Variants in SLC1A2 observed in about 807,000 individuals in gnomAD.
The protein encoded by SLC1A2 is excitatory amino acid transporter 2.
In SLC1A2, 15 loss-of-function variants were observed where a neutral mutation model predicts 48.8. The observed-to-expected ratio is 0.31, with a 90% CI of 0.21 to 0.47. The LOEUF (loss-of-function observed/expected upper bound fraction) is 0.47. Ranked by LOEUF, SLC1A2 falls within the 20% of genes least tolerant of loss-of-function variation. The pLI is 0.99. For synonymous variants in SLC1A2, 279 were observed against 272.6 expected (o/e 1.02, Z -0.23); for missense variants, 502 against 730.5 (o/e 0.69, Z 3.61).
chr11:35,305,381 C>T (rs909690594), intron 5 of SLC1A2, among the ~76,000 whole-genome samples: 1 of 152,194 alleles, frequency 6.6e-6, no homozygotes, highest in Non-Finnish European at 1.5e-5. Flanking sequence ...AGATGCCAAT[C>T]CTATTTCCAT....
At chr11:35,327,513 A>C (rs778688490) in intron 1 of SLC1A2, among the ~76,000 whole-genome samples, 5 of 152,178 alleles carry the variant, frequency 3.3e-5, no homozygotes, top group Admixed American at 6.5e-5. Flanking sequence ...TGTGGCCTTC[A>C]TCTTCCTTCT....
intron 9 of SLC1A2, among the ~76,000 whole-genome samples, chr11:35,280,168 C>CT (rs112958380): frequency 0.042 from 6,351 of 151,414 alleles, 440 homozygotes; most frequent in African/African-American, 0.14. Context: ...TTTCTTTTTT[C>CT]TTTTTTTTTC....
At chr11:35,412,342 A>G (rs1301986927) in intron 1 of SLC1A2, among the ~76,000 whole-genome samples, 2 of 152,218 alleles carry the variant, frequency 1.3e-5, no homozygotes, top group Non-Finnish European at 2.9e-5. Context: ...GGAACACTGT[A>G]GATATATGTC....
chr11:35,387,439 T>A (rs1319786953), intron 1 of SLC1A2, among the ~76,000 whole-genome samples: 1 of 152,190 alleles, frequency 6.6e-6, no homozygotes, highest in Non-Finnish European at 1.5e-5. Context: ...TTTTCCACAC[T>A]GTGACCTTGC....
chr11:35,282,086 T>C (rs1235222282), intron 8 of SLC1A2, among the ~76,000 whole-genome samples: 2 of 152,098 alleles, frequency 1.3e-5, no homozygotes, highest in Non-Finnish European at 2.9e-5. Context: ...TTAAGGCCCC[T>C]GGAGAGCCTG....
intron 1 of SLC1A2, among the ~76,000 whole-genome samples, chr11:35,356,846 AAC>A (rs1288248378): frequency 1.3e-5 from 2 of 152,256 alleles, no homozygotes; most frequent in African/African-American, 2.4e-5. Context: ...ATTTTCTGAT[AAC>A]ACATTATTTA....
intron 4 of SLC1A2, among the ~76,000 whole-genome samples, chr11:35,309,023 A>C (rs1048442941): frequency 6.6e-6 from 1 of 152,078 alleles, no homozygotes; most frequent in African/African-American, 2.4e-5. Flanking sequence ...TCTGAACATT[A>C]TAAGTACTTT....
chr11:35,305,762 A>G (rs1851482169), intron 5 of SLC1A2, among the ~76,000 whole-genome samples: 1 of 152,200 alleles, frequency 6.6e-6, no homozygotes, highest in Non-Finnish European at 1.5e-5. Flanking sequence ...TCACTTAATA[A>G]CACAGAGAGT....
Position 35,254,793 on chromosome 11 carries a change from T to C in SLC1A2, c.*6101A>G, listed in dbSNP as rs531126908. The C allele has an allele frequency of 9.6e-5, 44 of 456,166 alleles. No individual in the cohort carries two copies. Among genetic ancestry groups the C allele is most frequent in the Admixed American group, 8.2e-4 (35 of 42,554 alleles). 28.3% of individuals were successfully genotyped at this position (456,166 alleles called of 1,614,324 possible). Reference sequence around the variant, plus strand: ...TCTGTTCCAATAGCTGGTTTTATTCTCAGCACAAAAGGGCCCTGTGTAAAA... The same window carrying C: ...TCTGTTCCAATAGCTGGTTTTATTCCCAGCACAAAAGGGCCCTGTGTAAAA... On this transcript the variant is annotated 3_prime_UTR_variant, in exon 11 of 11. Coordinates refer to ENST00000278379, the MANE Select transcript of SLC1A2 (RefSeq NM_004171.4).
intron 1 of SLC1A2, among the ~76,000 whole-genome samples, chr11:35,370,128 C>T (rs996001738): frequency 2.0e-5 from 3 of 152,202 alleles, no homozygotes; most frequent in African/African-American, 7.2e-5. Context: ...CTTAAACCAT[C>T]AGCCAGGCAA....
intron 1 of SLC1A2, among the ~76,000 whole-genome samples, chr11:35,359,857 C>T (rs1165077736): frequency 6.6e-6 from 1 of 152,240 alleles, no homozygotes; most frequent in Non-Finnish European, 1.5e-5. Flanking sequence ...GGAGCGAAAT[C>T]ACATTATTTC....
chr11:35,301,745 C>A, intron 5 of SLC1A2, 100 bp from the exon 6 acceptor site: 1 of 1,064,598 alleles, frequency 9.4e-7, no homozygotes, highest in Non-Finnish European at 1.4e-6. Flanking sequence ...CATGTTCTCA[C>A]TGCTGGTTAC....
At chr11:35,420,107 C>T, upstream of SLC1A2, 1 of 194,476 alleles carries the variant, frequency 5.1e-6, no homozygotes, top group Admixed American at 5.5e-5. Context: ...TCCCTGGGGG[C>T]GGCGGGCGGG....
At chr11:35,390,159 A>G (rs1019150149) in intron 1 of SLC1A2, among the ~76,000 whole-genome samples, 1 of 152,234 alleles carries the variant, frequency 6.6e-6, no homozygotes, top group African/African-American at 2.4e-5. Context: ...AAAGACAAAA[A>G]CACAAACAAA....
chr11:35,261,115 C>T, intron 10 of SLC1A2, 150 bp from the exon 11 acceptor site: 3 of 680,332 alleles, frequency 4.4e-6, no homozygotes, highest in Non-Finnish European at 5.2e-6. Flanking sequence ...GAATTTGAAC[C>T]TGTCTTGGGT....
chr11:35,372,925 A>T (rs575583255), intron 1 of SLC1A2, among the ~76,000 whole-genome samples: 111 of 152,314 alleles, frequency 7.3e-4, no homozygotes, highest in African/African-American at 2.7e-3. Context: ...CAGGTGGGGA[A>T]ACTGAGGCAC....
At chr11:35,389,462 C>G (rs1028813510) in intron 1 of SLC1A2, among the ~76,000 whole-genome samples, 2 of 151,512 alleles carry the variant, frequency 1.3e-5, no homozygotes, top group African/African-American at 4.8e-5. Context: ...CCTTCTTCTT[C>G]TTCTTATTAT....
At chr11:35,384,839 C>G (rs2135217585) in intron 1 of SLC1A2, among the ~76,000 whole-genome samples, 1 of 152,286 alleles carries the variant, frequency 6.6e-6, no homozygotes, top group African/African-American at 2.4e-5. Context: ...CCTCTAAAGC[C>G]TAGAGAGGTG....
intron 1 of SLC1A2, among the ~76,000 whole-genome samples, chr11:35,410,832 T>C (rs1855436169): frequency 6.6e-6 from 1 of 152,132 alleles, no homozygotes; most frequent in Admixed American, 6.5e-5. Flanking sequence ...TGTTTCAACC[T>C]CTCCCTCTGC....
Sources: allele counts gnomAD v4.1 joint callset (sites outside exome capture counted in the v4.1 genomes callset), GRCh38; gene constraint gnomAD v4.1.1; transcripts MANE v1.5; gene names NCBI Gene and HGNC (gene_info 2026-07-23, HGNC 2026-07-21).